Variants in RB1 observed in about 807,000 individuals in gnomAD.
The protein encoded by RB1 is RB transcriptional corepressor 1.
Under a neutral mutation model 135.4 loss-of-function variants are expected in RB1, and 18 were observed. That is an observed-to-expected ratio of 0.13 (90% confidence interval 0.09 to 0.20). RB1 has a LOEUF of 0.20. Among genes scored for constraint, RB1 ranks in the 10% least tolerant of loss-of-function variants. The probability of loss-of-function intolerance (pLI) is 1.00; values close to 1 mark genes in which losing one functional copy is unlikely to be tolerated. For missense variants in RB1, 868 were observed against 1,110.0 expected (o/e 0.78, Z 3.10); for synonymous variants, 365 against 373.2 (o/e 0.98, Z 0.25).
chr13:48,411,137 ATAACTT>A (rs1948791813), intron 17 of RB1: 1 of 350,530 alleles, frequency 2.9e-6, no homozygotes, highest in South Asian at 4.4e-5. Context: ...TAGACACTAA[ATAACTT>A]TAAGAGATTT....
rs368676532 is a variant in RB1, at chr13:48,338,157, C to T, written c.265-4442C>T. ...TTGGTGAATCTGACAATTATGTGTC[C>T]TGGAGTTGCTCTTCTCGAGGAGTAT... is the stretch of plus-strand genomic sequence containing the variant. On this transcript the variant is annotated intron_variant, in intron 2 of 26. Transcript: ENST00000267163. Among the ~76,000 whole-genome samples the T allele has an allele frequency of 1.6e-4, 24 of 151,994 alleles. 1 individual carries two copies. The highest frequency in any genetic ancestry group is 1.2e-3 in the Admixed American group (18 of 15,258).
intron 2 of RB1, among the ~76,000 whole-genome samples, chr13:48,340,351 C>G (rs149199870): frequency 6.6e-6 from 1 of 152,126 alleles, no homozygotes. Context: ...AAAACACAAG[C>G]TGCATCTGAA....
chr13:48,335,433 A>G (rs2804082), intron 2 of RB1, among the ~76,000 whole-genome samples: 140,556 of 152,154 alleles, frequency 0.92, 65,513 homozygotes, highest in East Asian at 1. Flanking sequence ...CCCTGATGCA[A>G]GCATGCAGTT....
chr13:48,411,453 T>C (rs1447289110), intron 17 of RB1: 1 of 1,613,378 alleles, frequency 6.2e-7, no homozygotes, highest in Non-Finnish European at 8.5e-7. Context: ...CTGAATAAAA[T>C]TCTCTGCACC....
chr13:48,447,369 G>T (rs1949295803), intron 17 of RB1, among the ~76,000 whole-genome samples: 1 of 152,142 alleles, frequency 6.6e-6, no homozygotes, highest in African/African-American at 2.4e-5. Flanking sequence ...GACAAATGGA[G>T]CATTGTTACA....
chr13:48,318,311 G>A (rs1405034176), intron 2 of RB1: 2 of 1,255,108 alleles, frequency 1.6e-6, no homozygotes, highest in Non-Finnish European at 2.2e-6. Flanking sequence ...AGTGCATCTG[G>A]GCAGTGCTGA....
chr13:48,414,950 C>A (rs12430215), intron 17 of RB1, among the ~76,000 whole-genome samples: 1 of 151,774 alleles, frequency 6.6e-6, no homozygotes, highest in Non-Finnish European at 1.5e-5. Flanking sequence ...AGCTTGTATT[C>A]TCATTGGAAA....
In RB1 at chr13:48,417,999, G is replaced by C. The variant is rs147374374; in HGVS notation, c.1696-34994G>C. ...AGAATTTCCCCAACCTAGCACGACA[G>C]GCCAACATTCCAATTCAGGAAATAC... On this transcript the variant is annotated intron_variant, in intron 17 of 26. Coordinates refer to ENST00000267163, the MANE Select transcript of RB1 (RefSeq NM_000321.3). 5.6e-3 allele frequency among the ~76,000 whole-genome samples: 845 copies of C among 152,210 alleles called. 5 individuals are homozygous for C. The highest frequency in any genetic ancestry group is 0.01 in the Middle Eastern group (3 of 294).
At chr13:48,353,677 T>C (rs1350563256) in intron 6 of RB1, among the ~76,000 whole-genome samples, 1 of 152,096 alleles carries the variant, frequency 6.6e-6, no homozygotes, top group East Asian at 1.9e-4. Flanking sequence ...TGAGGAATAT[T>C]GATACAGAAA....
chr13:48,442,680 T>C (rs908022133), intron 17 of RB1, among the ~76,000 whole-genome samples: 8 of 152,188 alleles, frequency 5.3e-5, no homozygotes, highest in African/African-American at 1.9e-4. Flanking sequence ...CTATTTTAGT[T>C]TAATTACATG....
At chr13:48,378,337 A>G (rs1593454757) in intron 13 of RB1, among the ~76,000 whole-genome samples, 1 of 152,246 alleles carries the variant, frequency 6.6e-6, no homozygotes, top group African/African-American at 2.4e-5. Flanking sequence ...TATTCTGTAC[A>G]CTTTTTTCTA....
At chr13:48,403,798 A>T (rs1294089033) in intron 17 of RB1, among the ~76,000 whole-genome samples, 1 of 152,116 alleles carries the variant, frequency 6.6e-6, no homozygotes, top group African/African-American at 2.4e-5. Flanking sequence ...TGTGAGCAAC[A>T]TTTTAAGAAC....
intron 17 of RB1, among the ~76,000 whole-genome samples, chr13:48,446,138 A>G (rs1315538802): frequency 6.6e-6 from 1 of 151,856 alleles, no homozygotes; most frequent in Non-Finnish European, 1.5e-5. Flanking sequence ...TTATATTTTT[A>G]GTGGAGATGG....
intron 6 of RB1, among the ~76,000 whole-genome samples, chr13:48,352,007 G>A (rs568993323): frequency 3.3e-5 from 5 of 152,120 alleles, no homozygotes; most frequent in Admixed American, 1.3e-4. Context: ...GTTGATTTTT[G>A]TATATGGTGT....
At chr13:48,316,386 C>G (rs1027402831) in intron 2 of RB1, among the ~76,000 whole-genome samples, 3 of 152,128 alleles carry the variant, frequency 2.0e-5, no homozygotes, top group African/African-American at 7.2e-5. Flanking sequence ...CAGGCTACCA[C>G]TGCAGCCACC....
At chr13:48,418,175 T>A (rs1006547979) in intron 17 of RB1, among the ~76,000 whole-genome samples, 13 of 152,110 alleles carry the variant, frequency 8.5e-5, no homozygotes, top group African/African-American at 3.1e-4. Flanking sequence ...AGACTAATAG[T>A]GGATCTCTCT....
chr13:48,451,159 T>A (rs1949324833), intron 17 of RB1, among the ~76,000 whole-genome samples: 1 of 152,206 alleles, frequency 6.6e-6, no homozygotes, highest in South Asian at 2.1e-4. Flanking sequence ...GGCCAGATCT[T>A]CCAATACTAT....
At position 48,427,186 on chromosome 13, in the gene RB1, C is replaced by A. The variant is rs542786807; in HGVS notation, c.1696-25807C>A. On this transcript the variant is annotated intron_variant, in intron 17 of 26. Coordinates refer to ENST00000267163, the MANE Select transcript of RB1 (RefSeq NM_000321.3). The stretch of plus-strand genomic sequence containing the variant: ...AACACGAGTCATCTACCAAACCTCA[C>A]CTCCAGCATTGGGGAGCACACTTCA... 5.0e-5 allele frequency among the ~76,000 whole-genome samples: 7 copies of A among 139,662 alleles called. No homozygotes were observed. In the East Asian group the frequency reaches 1.6e-3, roughly 31 times the overall value. The allele number at this position is 139,662 out of a possible 152,430, so 91.6% of individuals were successfully genotyped here.
rs914574679 is a variant in RB1, at chr13:48,479,978, G to T, written c.2714-20G>T. ...CCCAGTACCATCAATGCTGTTAACA[G>T]TTCTTCATCCTTTTTCCAGCTTCTA... is the stretch of plus-strand genomic sequence containing the variant. On this transcript the variant is annotated intron_variant, in intron 26 of 26. Coordinates refer to ENST00000267163, the MANE Select transcript of RB1 (RefSeq NM_000321.3). 10 of 1,607,048 alleles carry T rather than the reference G, an allele frequency of 6.2e-6. No homozygotes were observed. Among genetic ancestry groups the T allele is most frequent in the Non-Finnish European group, 7.7e-6 (9 of 1,174,746 alleles).
Sources: gnomAD v4.1 joint callset for allele counts (sites outside exome capture counted in the v4.1 genomes callset) on GRCh38, gnomAD v4.1.1 for gene constraint, MANE v1.5 for transcripts, NCBI Gene and HGNC (gene_info 2026-07-23, HGNC 2026-07-21) for gene names.